Variants in B3GALT1 observed in about 807,000 individuals in gnomAD.
The protein encoded by B3GALT1 is beta-1,3-galactosyltransferase 1.
Under a neutral mutation model 23.2 loss-of-function variants are expected in B3GALT1, and 10 were observed. The ratio of observed to expected loss-of-function variants is 0.43; its 90% CI spans 0.27 to 0.73. The LOEUF (loss-of-function observed/expected upper bound fraction) is 0.73, where lower values mean the gene tolerates loss of function less well. B3GALT1 is among the 30% of genes least tolerant of loss of function. The pLI is 0.21. For synonymous variants in B3GALT1, 156 were observed against 141.5 expected (o/e 1.10, Z -0.73); for missense variants, 299 against 405.4 (o/e 0.74, Z 2.25).
intron 3 of B3GALT1, among the ~76,000 whole-genome samples, chr2:167,783,482 G>A (rs1355125271): frequency 6.6e-6 from 1 of 151,998 alleles, no homozygotes; most frequent in East Asian, 1.9e-4. Context: ...CCCACCAGTA[G>A]AGTGGGAGTT....
At chr2:167,845,702 GC>G (rs1689741923) in intron 4 of B3GALT1, among the ~76,000 whole-genome samples, 1 of 150,594 alleles carries the variant, frequency 6.6e-6, no homozygotes, top group South Asian at 2.1e-4. Context: ...TTAACACCGC[GC>G]CCCCACCCCC....
chr2:167,375,581 A>AT (rs971943829), intron 1 of B3GALT1, among the ~76,000 whole-genome samples: 20 of 151,580 alleles, frequency 1.3e-4, no homozygotes, highest in African/African-American at 1.9e-4. Flanking sequence ...ATTCCTAGGT[A>AT]TTTTTTTTGT....
At chr2:167,432,569 ACTT>A (rs913018031) in intron 1 of B3GALT1, among the ~76,000 whole-genome samples, 1 of 152,154 alleles carries the variant, frequency 6.6e-6, no homozygotes, top group African/African-American at 2.4e-5. Context: ...TTTTAAAAGA[ACTT>A]CTCTAACAGC....
chr2:167,415,524 G>A (rs1375721373), intron 1 of B3GALT1, among the ~76,000 whole-genome samples: 5 of 152,168 alleles, frequency 3.3e-5, no homozygotes, highest in Non-Finnish European at 5.9e-5. Flanking sequence ...TAATAAATAC[G>A]TAAAAATGCA....
intron 2 of B3GALT1, among the ~76,000 whole-genome samples, chr2:167,521,985 T>TATATATATATATATATATATATATACAC (rs1491425862): frequency 0.023 from 2,387 of 102,408 alleles, 32 homozygotes; most frequent in Middle Eastern, 0.067. Flanking sequence ...TGTGTGTGTG[T>TATATATATATATATATATATATATACAC]ATATATATAT....
intron 3 of B3GALT1, among the ~76,000 whole-genome samples, chr2:167,654,149 G>C (rs1311436101): frequency 6.6e-6 from 1 of 152,140 alleles, no homozygotes; most frequent in Non-Finnish European, 1.5e-5. Context: ...TTGTGCCTCT[G>C]TTTTCTCTTC....
At chr2:167,794,153 A>G (rs1688498257) in intron 3 of B3GALT1, among the ~76,000 whole-genome samples, 1 of 152,184 alleles carries the variant, frequency 6.6e-6, no homozygotes, top group Non-Finnish European at 1.5e-5. Flanking sequence ...CTCTGCTTCT[A>G]ACTGCTTTGA....
intron 4 of B3GALT1, among the ~76,000 whole-genome samples, chr2:167,865,730 T>G (rs1690201486): frequency 6.6e-6 from 1 of 152,150 alleles, no homozygotes; most frequent in Admixed American, 6.5e-5. Context: ...AGGCGGAGTT[T>G]GCAGTGAGCC....
intron 3 of B3GALT1, among the ~76,000 whole-genome samples, chr2:167,817,387 T>G (rs939965232): frequency 1.3e-5 from 2 of 152,220 alleles, no homozygotes; most frequent in African/African-American, 4.8e-5. Context: ...AGCACCATCC[T>G]AAGCACTTTC....
intron 4 of B3GALT1, among the ~76,000 whole-genome samples, chr2:167,861,543 A>G (rs1286061460): frequency 1.3e-5 from 2 of 152,206 alleles, no homozygotes; most frequent in Non-Finnish European, 2.9e-5. Context: ...ATGAATCAAA[A>G]AAAGCCAAGC....
intron 2 of B3GALT1, among the ~76,000 whole-genome samples, chr2:167,605,085 G>A (rs903851038): frequency 7.2e-5 from 11 of 152,110 alleles, no homozygotes; most frequent in Non-Finnish European, 1.0e-4. Context: ...TTGGCAAAGC[G>A]CCTACTTCCC....
At chr2:167,786,083 G>A (rs972136647) in intron 3 of B3GALT1, among the ~76,000 whole-genome samples, 10 of 152,196 alleles carry the variant, frequency 6.6e-5, no homozygotes, top group African/African-American at 2.4e-4. Flanking sequence ...CAACACAGAT[G>A]CAAATGGCAG....
chr2:167,439,726 C>T (rs1311600182), intron 1 of B3GALT1, among the ~76,000 whole-genome samples: 1 of 151,990 alleles, frequency 6.6e-6, no homozygotes, highest in East Asian at 1.9e-4. Context: ...TTGATGAAAA[C>T]ATCTAATCAC....
intron 3 of B3GALT1, among the ~76,000 whole-genome samples, chr2:167,797,808 A>G (rs1354459462): frequency 6.6e-6 from 1 of 152,132 alleles, no homozygotes; most frequent in Non-Finnish European, 1.5e-5. Context: ...TCCTGGGTTC[A>G]TGCCATTCTT....
At chr2:167,556,883 A>G (rs1032584913) in intron 2 of B3GALT1, among the ~76,000 whole-genome samples, 3 of 152,162 alleles carry the variant, frequency 2.0e-5, no homozygotes, top group African/African-American at 7.2e-5. Flanking sequence ...ATTTCTCACA[A>G]TAAACCTAGG....
chr2:167,458,763 A>G (rs1308179223), intron 1 of B3GALT1, among the ~76,000 whole-genome samples: 1 of 152,170 alleles, frequency 6.6e-6, no homozygotes, highest in Non-Finnish European at 1.5e-5. Flanking sequence ...ATCTGAAGAA[A>G]TGTCTGTTCA....
chr2:167,733,741 G>A (rs1464301746), intron 3 of B3GALT1, among the ~76,000 whole-genome samples: 1 of 152,096 alleles, frequency 6.6e-6, no homozygotes. Flanking sequence ...ACTATTAAAC[G>A]ACCCATGGAA....
chr2:167,477,007 T>TATCCATGTTTTC (rs1202605398), intron 1 of B3GALT1, among the ~76,000 whole-genome samples: 1 of 152,214 alleles, frequency 6.6e-6, no homozygotes, highest in Non-Finnish European at 1.5e-5. Context: ...TGTTTGATCA[T>TATCCATGTTTTC]ATCCATGTTT....
chr2:167,440,343 TGAAA>T (rs1698860306), intron 1 of B3GALT1, among the ~76,000 whole-genome samples: 1 of 105,678 alleles, frequency 9.5e-6, no homozygotes, highest in African/African-American at 4.9e-5. Context: ...AGACTCTGTC[TGAAA>T]AAAAAAAAAA....
Sources: gnomAD v4.1 joint callset for allele counts (sites outside exome capture counted in the v4.1 genomes callset) on GRCh38, gnomAD v4.1.1 for gene constraint, MANE v1.5 for transcripts, NCBI Gene and HGNC (gene_info 2026-07-23, HGNC 2026-07-21) for gene names.